The following ST6GALNAC3 variants were observed in gnomAD, a reference collection of about 807,000 sequenced individuals.
ST6GALNAC3 encodes the protein alpha-N-acetylgalactosaminide alpha-2,6-sialyltransferase 3.
ST6GALNAC3 carries 25 observed loss-of-function variants against 32.7 expected under a neutral mutation model. That is an observed-to-expected ratio of 0.76 (90% CI 0.56 to 1.07). The LOEUF (loss-of-function observed/expected upper bound fraction) is 1.07, where lower values mean the gene tolerates loss of function less well. ST6GALNAC3 is among the 50% of genes least tolerant of loss of function. The pLI, the probability that ST6GALNAC3 is intolerant of heterozygous loss-of-function variation, is 0.00. For missense variants in ST6GALNAC3, 355 were observed against 382.4 expected (o/e 0.93, Z 0.60); for synonymous variants, 129 against 133.1 (o/e 0.97, Z 0.21).
At chr1:76,244,845 C>A (rs1271011768) in intron 1 of ST6GALNAC3, among the ~76,000 whole-genome samples, 1 of 152,080 alleles carries the variant, frequency 6.6e-6, no homozygotes, top group Non-Finnish European at 1.5e-5. Context: ...TTTGATTTGC[C>A]AGTATTTTAC....
At chr1:76,263,193 T>C (rs1234602938) in intron 1 of ST6GALNAC3, among the ~76,000 whole-genome samples, 1 of 152,222 alleles carries the variant, frequency 6.6e-6, no homozygotes, top group Non-Finnish European at 1.5e-5. Flanking sequence ...TGTGTAAACT[T>C]GGGTGAATGA....
In ST6GALNAC3 at chr1:76,632,806, A is replaced by G. The variant is rs1034220562; in HGVS notation, c.*4000A>G. 1.4e-5 allele frequency: 2 copies of G among 138,728 alleles called. No homozygotes were observed. Among genetic ancestry groups the G allele is most frequent in the Non-Finnish European group, 3.3e-5 (2 of 59,938 alleles). 8.6% of individuals were successfully genotyped at this position (138,728 alleles called of 1,614,324 possible). A position where few individuals can be genotyped will look rare whatever the true frequency, so the allele number is the denominator to read the frequency against. Reference sequence around the variant, plus strand: ...AATCAGATGACTGATTTAAAAAAAAACAACAACAATGTGCCCATCTAGCCT... The same window carrying G: ...AATCAGATGACTGATTTAAAAAAAAGCAACAACAATGTGCCCATCTAGCCT... On this transcript the variant is annotated 3_prime_UTR_variant, in exon 5 of 5. Coordinates refer to ENST00000328299, the MANE Select transcript of ST6GALNAC3 (RefSeq NM_152996.4).
At chr1:76,426,810 C>T (rs532764632) in intron 3 of ST6GALNAC3, among the ~76,000 whole-genome samples, 22 of 151,898 alleles carry the variant, frequency 1.4e-4, no homozygotes, top group Admixed American at 9.9e-4. Context: ...ATGACAGTTA[C>T]GACATCAGTT....
chr1:76,213,945 T>G (rs1249154762), intron 1 of ST6GALNAC3, among the ~76,000 whole-genome samples: 1 of 152,224 alleles, frequency 6.6e-6, no homozygotes, highest in Non-Finnish European at 1.5e-5. Context: ...TATATGACTG[T>G]ATGAATGGGC....
chr1:76,434,684 T>C (rs962198816), intron 3 of ST6GALNAC3, among the ~76,000 whole-genome samples: 1 of 152,118 alleles, frequency 6.6e-6, no homozygotes, highest in Non-Finnish European at 1.5e-5. Context: ...AACAAAAGTA[T>C]CTTCATGTTA....
At chr1:76,394,195 A>G (rs1016918531) in intron 2 of ST6GALNAC3, among the ~76,000 whole-genome samples, 3 of 152,208 alleles carry the variant, frequency 2.0e-5, no homozygotes, top group Admixed American at 6.5e-5. Flanking sequence ...GCATATAGCT[A>G]GAAAGTAGCA....
intron 3 of ST6GALNAC3, among the ~76,000 whole-genome samples, chr1:76,476,751 C>T (rs1054265196): frequency 6.6e-6 from 1 of 152,148 alleles, no homozygotes; most frequent in Non-Finnish European, 1.5e-5. Context: ...TTAAAACCTT[C>T]AACTGAAAAT....
At chr1:76,256,764 G>A (rs920623543) in intron 1 of ST6GALNAC3, among the ~76,000 whole-genome samples, 5 of 151,204 alleles carry the variant, frequency 3.3e-5, no homozygotes, top group Admixed American at 6.6e-5. Context: ...GTCTTCAGGA[G>A]ACTTGAGAAA....
At chr1:76,299,384 A>G (rs1043469241) in intron 1 of ST6GALNAC3, among the ~76,000 whole-genome samples, 1 of 152,068 alleles carries the variant, frequency 6.6e-6, no homozygotes, top group African/African-American at 2.4e-5. Context: ...GTGGGGAAGC[A>G]TTAGTGAACA....
intron 3 of ST6GALNAC3, among the ~76,000 whole-genome samples, chr1:76,447,260 T>C (rs191302908): frequency 1.2e-4 from 18 of 152,254 alleles, no homozygotes; most frequent in Admixed American, 2.6e-4. Context: ...TCCTAGAAAT[T>C]TGTGGAACTT....
intron 3 of ST6GALNAC3, chr1:76,576,753 T>C (rs1646815546): frequency 9.9e-7 from 1 of 1,007,680 alleles, no homozygotes; most frequent in Admixed American, 2.3e-5. Context: ...ACAGTAGGTA[T>C]AAGGAATGAG....
intron 1 of ST6GALNAC3, among the ~76,000 whole-genome samples, chr1:76,310,540 G>C (rs1420701291): frequency 6.6e-6 from 1 of 152,110 alleles, no homozygotes; most frequent in African/African-American, 2.4e-5. Context: ...CTGCCTTTGG[G>C]TATCGCTGAC....
chr1:76,123,469 G>A lies in ST6GALNAC3; in HGVS notation c.18+48585G>A, dbSNP rs117943647. Among the ~76,000 whole-genome samples, 32 of 152,176 alleles carry A rather than the reference G, an allele frequency of 2.1e-4. No individual in the cohort carries two copies. The East Asian group carries it at 5.2e-3, about 25-fold the overall frequency. ...GCACAATGAGATTGTGTTAAGAATG[G>A]GAAGAGTAGGAAGCACAGCTGCCCA... On this transcript the variant is annotated intron_variant, in intron 1 of 4. Transcript: ENST00000328299.
chr1:76,567,487 C>A (rs1665622314), intron 3 of ST6GALNAC3, among the ~76,000 whole-genome samples: 1 of 152,122 alleles, frequency 6.6e-6, no homozygotes, highest in East Asian at 1.9e-4. Flanking sequence ...CTAAAACTAA[C>A]AAGACAATGT....
intron 1 of ST6GALNAC3, among the ~76,000 whole-genome samples, chr1:76,186,436 C>T (rs1653560034): frequency 2.0e-5 from 3 of 152,234 alleles, no homozygotes; most frequent in East Asian, 1.9e-4. Flanking sequence ...GCTTTTCCTC[C>T]TTCATTCCAT....
intron 3 of ST6GALNAC3, among the ~76,000 whole-genome samples, chr1:76,450,301 T>G (rs893046723): frequency 1.3e-5 from 2 of 152,288 alleles, no homozygotes; most frequent in Admixed American, 6.5e-5. Flanking sequence ...AAAACCACAA[T>G]GTGGTTTTGA....
intron 1 of ST6GALNAC3, among the ~76,000 whole-genome samples, chr1:76,124,639 C>T (rs1463133434): frequency 1.3e-5 from 2 of 152,168 alleles, no homozygotes; most frequent in Non-Finnish European, 2.9e-5. Context: ...TTTTTTCCCT[C>T]TTGTGATAGT....
chr1:76,428,536 T>C (rs1655546610), intron 3 of ST6GALNAC3, among the ~76,000 whole-genome samples: 1 of 152,096 alleles, frequency 6.6e-6, no homozygotes, highest in Admixed American at 6.6e-5. Flanking sequence ...TTCCACGTTA[T>C]TTTGCAGTTC....
chr1:76,391,333 A>G (rs1010773692), intron 2 of ST6GALNAC3, among the ~76,000 whole-genome samples: 2 of 152,138 alleles, frequency 1.3e-5, no homozygotes, highest in Admixed American at 6.5e-5. Context: ...CTGTGTGTGA[A>G]AAGCTTCTAA....
Sources: gnomAD v4.1 joint callset for allele counts (sites outside exome capture counted in the v4.1 genomes callset) on GRCh38, gnomAD v4.1.1 for gene constraint, MANE v1.5 for transcripts, NCBI Gene and HGNC (gene_info 2026-07-23, HGNC 2026-07-21) for gene names.